Variants in TSFM observed in about 807,000 individuals in gnomAD.
The protein encoded by TSFM is Ts translation elongation factor, mitochondrial.
In TSFM, 29 loss-of-function variants were observed where a neutral mutation model predicts 33.4. That is an observed-to-expected ratio of 0.87 (90% confidence interval 0.65 to 1.18). The LOEUF is 1.18. Among genes scored for constraint, TSFM ranks in the 50% most tolerant of loss-of-function variants. The pLI is 0.00. For missense variants in TSFM, 394 were observed against 395.6 expected (o/e 1.00, Z 0.04); for synonymous variants, 178 against 163.5 (o/e 1.09, Z -0.68).
chr12:57,794,966 A>T (rs1467197944), intron 5 of TSFM, among the ~76,000 whole-genome samples: 2 of 150,126 alleles, frequency 1.3e-5, no homozygotes, highest in Non-Finnish European at 3.0e-5. Context: ...TCACCGTGTT[A>T]GCCAGGATGG....
rs1055837849 is a variant in TSFM, at chr12:57,796,140, T to G, written c.572-37T>G. Reference sequence around the variant, plus strand: ...TTGGTACCATCACAGACATCACAATTTGTTGGTGTGTTGGTTTTTTGTTTT... The same window carrying G: ...TTGGTACCATCACAGACATCACAATGTGTTGGTGTGTTGGTTTTTTGTTTT... On this transcript the variant is annotated intron_variant, in intron 5 of 5. Coordinates refer to ENST00000652027, the MANE Select transcript of TSFM (RefSeq NM_005726.6). 4 of 1,536,638 alleles carry G rather than the reference T, an allele frequency of 2.6e-6. No homozygotes were observed. In the African/African-American group the frequency reaches 5.5e-5, roughly 21 times the overall value.
rs1164168295 is a variant in TSFM, at chr12:57,784,916, C to CTTT, written c.232-1221_232-1219dup. Among the ~76,000 whole-genome samples the CTTT allele has an allele frequency of 1.6e-3, 130 of 79,148 alleles. 9 individuals are homozygous for CTTT. Among genetic ancestry groups the CTTT allele is most frequent in the South Asian group, 1.8e-3 (3 of 1,710 alleles). 51.9% of individuals were successfully genotyped at this position (79,148 alleles called of 152,430 possible). ...ACAACAACTTTTTTTATTGAAATAT[C>CTTT]TTTTTTTTTTTTTTTTTTTTTTTTT... On this transcript the variant is annotated intron_variant, in intron 2 of 5. Coordinates refer to ENST00000652027, the MANE Select transcript of TSFM (RefSeq NM_005726.6).
chr12:57,801,929 G>A (rs1595157570), downstream of TSFM, among the ~76,000 whole-genome samples: 1 of 152,200 alleles, frequency 6.6e-6, no homozygotes, highest in East Asian at 1.9e-4. Context: ...TTTATAAACT[G>A]TTTATACTTC....
intron 4 of TSFM, 97 bp from the exon 5 acceptor site, chr12:57,792,889 G>C (rs2140424161): frequency 7.9e-7 from 1 of 1,260,586 alleles, no homozygotes; most frequent in East Asian, 2.5e-5. Flanking sequence ...ACCACGCCTG[G>C]CCAATACTTT....
intron 2 of TSFM, among the ~76,000 whole-genome samples, chr12:57,785,920 C>A (rs1327951189): frequency 2.6e-5 from 4 of 152,170 alleles, no homozygotes; most frequent in Non-Finnish European, 4.4e-5. Flanking sequence ...TGGTGCGTAA[C>A]TGTATAAAGA....
downstream of TSFM, among the ~76,000 whole-genome samples, chr12:57,798,665 G>A (rs1955783971): frequency 2.0e-5 from 3 of 150,056 alleles, no homozygotes; most frequent in Non-Finnish European, 3.0e-5. Context: ...GGCCCAGGCT[G>A]GAGTACAGTG....
At chr12:57,785,488 G>A (rs1022018979) in intron 2 of TSFM, among the ~76,000 whole-genome samples, 1 of 151,908 alleles carries the variant, frequency 6.6e-6, no homozygotes, top group African/African-American at 2.4e-5. Context: ...ATTTTTTTGA[G>A]ACGGAGTCTC....
Position 57,796,364 on chromosome 12 carries a change from C to A in TSFM, c.759C>A (p.Gly253=), listed in dbSNP as rs1206344675. The A allele has an allele frequency of 6.2e-7, 1 of 1,603,134 alleles. No homozygotes were observed. Among genetic ancestry groups the A allele is most frequent in the Middle Eastern group, 1.7e-4 (1 of 6,054 alleles). The stretch of plus-strand genomic sequence containing the variant: ...AGAAAACAAACCTTGAAGACGTTGG[C>A]CGCCGCCTTGGGCAGCATGTGGTGG... The part of the protein sequence containing the change: ...SEQKTNLEDV[G]RRLGQHVVGM... Residue 253 remains glycine (G), a synonymous_variant, in exon 6 of 6, where the codon GGC becomes GGA. Transcript: ENST00000652027.
At chr12:57,786,633 G>T (rs724834) in intron 3 of TSFM, among the ~76,000 whole-genome samples, 1 of 152,092 alleles carries the variant, frequency 6.6e-6, no homozygotes, top group Non-Finnish European at 1.5e-5. Context: ...TTTTAGAGGA[G>T]GTTTGGGGGC....
chr12:57,791,251 C>G (rs1955658548), intron 4 of TSFM, among the ~76,000 whole-genome samples: 1 of 152,178 alleles, frequency 6.6e-6, no homozygotes, highest in Admixed American at 6.5e-5. Context: ...CTTAGGTGAT[C>G]CACCCGCCTC....
At chr12:57,783,989 T>C (rs1955553954) in intron 2 of TSFM, 3 of 702,850 alleles carry the variant, frequency 4.3e-6, no homozygotes, top group Non-Finnish European at 7.8e-6. Context: ...AATAGGAAGA[T>C]ACATTCTGAG....
intron 5 of TSFM, among the ~76,000 whole-genome samples, chr12:57,794,063 T>G (rs1199411619): frequency 2.6e-5 from 4 of 152,184 alleles, no homozygotes; most frequent in African/African-American, 7.2e-5. Flanking sequence ...ATCTGAAGTT[T>G]CCAGTCAAGG....
chr12:57,783,000 A>G, intron 1 of TSFM, 110 bp from the exon 2 acceptor site: 1 of 1,483,196 alleles, frequency 6.7e-7, no homozygotes, highest in Non-Finnish European at 9.1e-7. Context: ...GCCCCGGTGC[A>G]CCCCCCTTTG....
intron 4 of TSFM, among the ~76,000 whole-genome samples, chr12:57,787,893 C>G (rs540848410): frequency 6.6e-5 from 10 of 150,412 alleles, no homozygotes; most frequent in Middle Eastern, 6.8e-3. Flanking sequence ...TCCCCCCGGG[C>G]AATAAGAGCA....
chr12:57,793,029 C>G lies in TSFM; in HGVS notation c.527C>G (p.Pro176Arg), dbSNP rs770229452. 5 of 1,613,784 alleles carry G rather than the reference C, an allele frequency of 3.1e-6. No homozygotes were observed. The South Asian group carries it at 5.5e-5, about 18-fold the overall frequency. Residue 176 changes from proline (P) to arginine (R), a missense_variant, in exon 5 of 6, where the codon CCT (proline) becomes CGT (arginine). Physicochemically the swap from Pro to Arg is moderately radical, Grantham distance 103. This residue lies in a region of TSFM where 186 missense variants were observed against 198.8 expected (regional missense o/e 0.94). Coordinates refer to ENST00000652027, the MANE Select transcript of TSFM (RefSeq NM_005726.6). ...SSELSGLPAG[P>R]DREGSLKDQL... is the part of the protein sequence containing the mutation. ...GAGCTTTCTGGACTTCCAGCTGGGC[C>G]TGACAGAGAAGGCTCACTCAAGGAT... is the stretch of plus-strand genomic sequence containing the variant.
downstream of TSFM, chr12:57,801,459 G>T (rs986864031): frequency 6.2e-6 from 2 of 324,574 alleles, no homozygotes; most frequent in Non-Finnish European, 1.2e-5. Context: ...GCAGTTGAAG[G>T]CCAGGCACAG....
chr12:57,799,687 A>T, downstream of TSFM: 2 of 1,492,854 alleles, frequency 1.3e-6, no homozygotes, highest in South Asian at 1.2e-5. Flanking sequence ...TCAGATGTCC[A>T]TTGAGCGGCT....
intron 3 of TSFM, among the ~76,000 whole-genome samples, chr12:57,786,539 G>T (rs1955593234): frequency 6.6e-6 from 1 of 151,726 alleles, no homozygotes. Context: ...TCTGGCACAG[G>T]CTTACACCTT....
intron 2 of TSFM, chr12:57,783,693 A>C (rs1565820081): frequency 1.7e-6 from 1 of 588,720 alleles, no homozygotes. Context: ...TCCCGGGTTC[A>C]AGCGATTCTC....
Sources: gnomAD v4.1 joint callset for allele counts (sites outside exome capture counted in the v4.1 genomes callset) on GRCh38, gnomAD v4.1.1 for gene constraint, gnomAD v4.1.1 regional missense constraint, MANE v1.5 for transcripts, NCBI Gene and HGNC (gene_info 2026-07-23, HGNC 2026-07-21) for gene names.